The following GTF2E2 variants were observed in gnomAD, a reference collection of about 807,000 sequenced individuals.
GTF2E2 encodes the protein transcription initiation factor IIE subunit beta.
In GTF2E2, 21 loss-of-function variants were observed where a neutral mutation model predicts 40.5. The ratio of observed to expected loss-of-function variants is 0.52; its 90% confidence interval spans 0.37 to 0.75. The LOEUF is 0.75. GTF2E2 is among the 30% of genes least tolerant of loss of function. GTF2E2 has a pLI of 0.00. For missense variants in GTF2E2, 298 were observed against 338.4 expected (o/e 0.88, Z 0.94); for synonymous variants, 117 against 121.6 (o/e 0.96, Z 0.25).
intron 2 of GTF2E2, among the ~76,000 whole-genome samples, chr8:30,637,635 T>C (rs993527271): frequency 8.5e-5 from 13 of 152,296 alleles, no homozygotes; most frequent in African/African-American, 3.1e-4. Flanking sequence ...GCAATTCTCC[T>C]GCCTCAACCT....
At position 30,614,725 on chromosome 8, in the gene GTF2E2, G is replaced by A; in HGVS notation, c.259-10C>T. The A allele has an allele frequency of 6.7e-7, 1 of 1,494,412 alleles. No individual in the cohort carries two copies. The highest frequency in any genetic ancestry group is 9.3e-7 in the Non-Finnish European group (1 of 1,077,668). 92.6% of individuals were successfully genotyped at this position (1,494,412 alleles called of 1,614,324 possible). ...CTCGCTGATGCCGTGTCTATCAAGT[G>A]AAGAAATTGTTATTAGAAGACAGTT... On this transcript the variant is annotated splice_polypyrimidine_tract_variant and intron_variant, in intron 3 of 7. Transcript: ENST00000355904.
intron 3 of GTF2E2, among the ~76,000 whole-genome samples, chr8:30,633,343 G>A (rs963002975): frequency 6.6e-6 from 1 of 152,028 alleles, no homozygotes; most frequent in African/African-American, 2.4e-5. Context: ...AATCATTAAG[G>A]GAGTTTGTTT....
intron 7 of GTF2E2, 33 bp downstream of exon 7, chr8:30,580,248 G>A (rs1828478063): frequency 1.7e-6 from 2 of 1,163,682 alleles, no homozygotes; most frequent in Non-Finnish European, 2.6e-6. Context: ...TCCCAGGGCA[G>A]GGGATTAAGC....
Position 30,607,121 on chromosome 8 carries a change from AT to A in GTF2E2, c.578del (p.Asn193IlefsTer33). 1 of 1,465,910 alleles carries A rather than the reference AT, an allele frequency of 6.8e-7. No individual in the cohort carries two copies. 90.8% of individuals were successfully genotyped at this position (1,465,910 alleles called of 1,614,324 possible). ...AAAGTATTTTCTTCTTATCGGGACG[AT>A]TTACAAATAGTATCTGGTCCCCCAA... Reference protein sequence around the residue: ...KALGDQILFVNRPDKKKILFF... With the variant: ...KALGDQILFVXRPDKKKILFF... On this transcript the variant is annotated frameshift_variant, in exon 6 of 8. Coordinates refer to ENST00000355904, the MANE Select transcript of GTF2E2 (RefSeq NM_002095.6). LOFTEE classifies it high-confidence loss of function.
intron 3 of GTF2E2, among the ~76,000 whole-genome samples, chr8:30,625,191 T>C (rs1801233212): frequency 6.6e-6 from 1 of 152,142 alleles, no homozygotes; most frequent in Middle Eastern, 3.2e-3. Flanking sequence ...CATCAATACC[T>C]AATTTATTGA....
intron 2 of GTF2E2, among the ~76,000 whole-genome samples, chr8:30,650,527 C>CAA (rs34700093): frequency 0.024 from 3,044 of 129,368 alleles, 56 homozygotes; most frequent in South Asian, 0.034. Context: ...CCATCTCTAC[C>CAA]AAAAAAAAAA....
At chr8:30,629,787 T>C (rs973981721) in intron 3 of GTF2E2, among the ~76,000 whole-genome samples, 1 of 151,820 alleles carries the variant, frequency 6.6e-6, no homozygotes, top group Admixed American at 6.6e-5. Flanking sequence ...TTCTAACAAG[T>C]TCCCAGGTGA....
At chr8:30,619,534 G>A (rs762938090) in intron 3 of GTF2E2, among the ~76,000 whole-genome samples, 32 of 150,692 alleles carry the variant, frequency 2.1e-4, no homozygotes, top group Admixed American at 1.6e-3. Context: ...GACTATACGC[G>A]TGCACCACAA....
At chr8:30,581,580 A>G (rs1045606257) in intron 6 of GTF2E2, among the ~76,000 whole-genome samples, 3 of 152,234 alleles carry the variant, frequency 2.0e-5, no homozygotes, top group African/African-American at 7.2e-5. Context: ...AATCTACTAC[A>G]AAGAATTCAA....
chr8:30,592,716 G>A (rs1437382126), intron 6 of GTF2E2, among the ~76,000 whole-genome samples: 3 of 152,164 alleles, frequency 2.0e-5, no homozygotes, highest in Non-Finnish European at 1.5e-5. Flanking sequence ...CAAGGAAAAC[G>A]TCTGTATGTG....
intron 1 of GTF2E2, among the ~76,000 whole-genome samples, chr8:30,654,805 T>C (rs1010161064): frequency 2.0e-5 from 3 of 152,122 alleles, no homozygotes; most frequent in African/African-American, 7.2e-5. Context: ...AGGGCAGAAA[T>C]TAGAAGAAGG....
At chr8:30,607,966 A>G (rs1035608618) in intron 5 of GTF2E2, among the ~76,000 whole-genome samples, 1 of 152,254 alleles carries the variant, frequency 6.6e-6, no homozygotes, top group South Asian at 2.1e-4. Flanking sequence ...TGCATTGCCC[A>G]AAGGATTACA....
intron 3 of GTF2E2, among the ~76,000 whole-genome samples, chr8:30,624,853 G>C (rs1027602491): frequency 4.6e-5 from 7 of 151,988 alleles, no homozygotes; most frequent in African/African-American, 1.7e-4. Context: ...TTTGCACATT[G>C]ATTTTGTATC....
intron 6 of GTF2E2, among the ~76,000 whole-genome samples, chr8:30,585,886 G>A (rs561290963): frequency 3.4e-4 from 52 of 151,012 alleles, no homozygotes; most frequent in Admixed American, 6.0e-4. Flanking sequence ...GGAGCTCAAG[G>A]CCAGCCTGGG....
At chr8:30,591,466 AGAGT>A (rs1268119391) in intron 6 of GTF2E2, among the ~76,000 whole-genome samples, 3 of 152,206 alleles carry the variant, frequency 2.0e-5, no homozygotes, top group East Asian at 1.9e-4. Context: ...CCCAGGAAAC[AGAGT>A]GAGACCCTGT....
intron 5 of GTF2E2, among the ~76,000 whole-genome samples, chr8:30,611,115 C>T (rs1039293367): frequency 1.3e-5 from 2 of 152,094 alleles, no homozygotes; most frequent in African/African-American, 4.8e-5. Flanking sequence ...TCCAAGCAAA[C>T]GGGCTAAGGC....
At chr8:30,649,729 CG>C (rs1488629911) in intron 2 of GTF2E2, among the ~76,000 whole-genome samples, 1 of 152,068 alleles carries the variant, frequency 6.6e-6, no homozygotes, top group Non-Finnish European at 1.5e-5. Context: ...CCTGTAATCC[CG>C]GCTACTCTGG....
intron 1 of GTF2E2, among the ~76,000 whole-genome samples, chr8:30,656,066 A>G (rs1270327554): frequency 6.6e-6 from 1 of 151,964 alleles, no homozygotes; most frequent in East Asian, 1.9e-4. Flanking sequence ...CGCCCACCTC[A>G]GCCTCCCAAA....
intron 6 of GTF2E2, among the ~76,000 whole-genome samples, chr8:30,605,401 C>T (rs1829292336): frequency 6.6e-6 from 1 of 151,840 alleles, no homozygotes; most frequent in Admixed American, 6.6e-5. Flanking sequence ...ATATTATTAG[C>T]AATTGGGAAA....
Sources: allele counts gnomAD v4.1 joint callset (sites outside exome capture counted in the v4.1 genomes callset), GRCh38; gene constraint gnomAD v4.1.1; transcripts MANE v1.5; gene names NCBI Gene and HGNC (gene_info 2026-07-23, HGNC 2026-07-21).